INPP5A: variants seen among roughly 807,000 people sequenced by gnomAD.
INPP5A encodes 43 kDa inositol polyphosphate 5-phophatase.
INPP5A carries 14 observed loss-of-function variants against 65.2 expected under a neutral mutation model. That is an observed-to-expected ratio of 0.21 (90% CI 0.14 to 0.34). The LOEUF is 0.34. INPP5A is among the 10% of genes least tolerant of loss of function. INPP5A has a pLI of 1.00. For synonymous variants in INPP5A, 207 were observed against 208.3 expected, an observed-to-expected ratio of 0.99 and a Z score of 0.05; for missense variants, 431 against 545.6, an observed-to-expected ratio of 0.79 and a Z score of 2.09.
chr10:132,744,610 G>A (rs1846334890), intron 9 of INPP5A, among the ~76,000 whole-genome samples: 1 of 152,234 alleles, frequency 6.6e-6, no homozygotes, highest in Non-Finnish European at 1.5e-5. Context: ...GAACGCACTA[G>A]AATCTGCCCC....
intron 4 of INPP5A, among the ~76,000 whole-genome samples, chr10:132,686,396 A>G (rs1309912329): frequency 1.3e-5 from 2 of 152,244 alleles, no homozygotes; most frequent in Admixed American, 6.5e-5. Flanking sequence ...GCAAGAGGCG[A>G]GGAGTCATTA....
In INPP5A at chr10:132,650,603, C is replaced by T; in HGVS notation, c.306+98C>T. The T allele has an allele frequency of 2.3e-6, 2 of 853,674 alleles. No individual in the cohort carries two copies. The highest frequency in any genetic ancestry group is 2.8e-5 in the South Asian group (2 of 71,924). The allele number at this position is 853,674 out of a possible 1,614,324, so 52.9% of individuals were successfully genotyped here. A position where few individuals can be genotyped will look rare whatever the true frequency, so the allele number is the denominator to read the frequency against. On this transcript the variant is annotated intron_variant, in intron 4 of 15. Coordinates refer to ENST00000368594, the MANE Select transcript of INPP5A (RefSeq NM_005539.5). This position sits in a 1 kb window ranked among gnomAD's most constrained non-coding sequence, Gnocchi z 5.5. ...TAAATGGAGAGAGGTCGGGGTGCTC[C>T]CTGCCTGAAGCCTCACTCACGCTGC... is the stretch of plus-strand genomic sequence containing the variant.
chr10:132,688,345 C>T (rs1845176743), intron 4 of INPP5A, among the ~76,000 whole-genome samples: 1 of 152,216 alleles, frequency 6.6e-6, no homozygotes, highest in Admixed American at 6.5e-5. Context: ...CCCAGGACAG[C>T]CACCCCAGTG....
chr10:132,636,050 T>C (rs1206218425), intron 2 of INPP5A, among the ~76,000 whole-genome samples: 1 of 151,306 alleles, frequency 6.6e-6, no homozygotes, highest in Non-Finnish European at 1.5e-5. Context: ...TCATGTGCAA[T>C]GTTGAAATCT....
intron 8 of INPP5A, among the ~76,000 whole-genome samples, chr10:132,713,610 A>G (rs568387601): frequency 1.4e-3 from 217 of 152,188 alleles, no homozygotes; most frequent in African/African-American, 4.6e-3. Context: ...CTCCGTCTCC[A>G]GAGTGATGGA....
chr10:132,683,150 T>G (rs1228361870), intron 4 of INPP5A, among the ~76,000 whole-genome samples: 3 of 148,906 alleles, frequency 2.0e-5, no homozygotes, highest in Admixed American at 6.7e-5. Flanking sequence ...CAAGGCCATG[T>G]GTTGTATTAT....
chr10:132,623,533 T>TA (rs1359100354), intron 2 of INPP5A, among the ~76,000 whole-genome samples: 1 of 152,028 alleles, frequency 6.6e-6, no homozygotes, highest in Non-Finnish European at 1.5e-5. Context: ...TCTTAAAAAG[T>TA]ACAAAAGTTC....
chr10:132,615,444 C>T (rs1046815624), intron 2 of INPP5A, among the ~76,000 whole-genome samples: 2 of 152,344 alleles, frequency 1.3e-5, no homozygotes, highest in East Asian at 3.9e-4. Context: ...TTCTAAACCC[C>T]CAGGCATCTG....
At chr10:132,654,721 A>T (rs2072629318) in intron 4 of INPP5A, among the ~76,000 whole-genome samples, 1 of 152,252 alleles carries the variant, frequency 6.6e-6, no homozygotes, top group Admixed American at 6.5e-5. Flanking sequence ...TGAAAAAGGA[A>T]ATTGAAATGA....
chr10:132,763,836 AAC>A (rs987746117), intron 11 of INPP5A, among the ~76,000 whole-genome samples: 26 of 151,966 alleles, frequency 1.7e-4, no homozygotes, highest in African/African-American at 5.6e-4. Flanking sequence ...TCTGCATGCA[AAC>A]ACACACATGC....
intron 4 of INPP5A, among the ~76,000 whole-genome samples, chr10:132,672,919 A>G (rs2072911572): frequency 6.6e-6 from 1 of 152,000 alleles, no homozygotes; most frequent in African/African-American, 2.4e-5. Flanking sequence ...TTCCTGGTGG[A>G]ATGTCCCAAA....
At chr10:132,609,633 TTTGTTG>T (rs371644456) in intron 2 of INPP5A, among the ~76,000 whole-genome samples, 1 of 152,190 alleles carries the variant, frequency 6.6e-6, no homozygotes, top group South Asian at 2.1e-4. Context: ...GTCTGCTGCT[TTTGTTG>T]TTGTTGTTGT....
In INPP5A at chr10:132,608,023, G is replaced by C. The variant is rs2071882730; in HGVS notation, c.117+67G>C. On this transcript the variant is annotated intron_variant, in intron 2 of 15. Transcript: ENST00000368594. ...GCCAATAAGGTGCCTTTTTGCTTTG[G>C]CATTCCTCCATGGAGTCTGGTGTGT... 17 of 1,459,806 alleles carry C rather than the reference G, an allele frequency of 1.2e-5. 1 individual carries two copies. The South Asian group carries it at 1.6e-4, about 14-fold the overall frequency. 90.4% of individuals were successfully genotyped at this position (1,459,806 alleles called of 1,614,324 possible).
At position 132,624,498 on chromosome 10, in the gene INPP5A, A is replaced by G. The variant is rs914649753; in HGVS notation, c.117+16542A>G. ...TCCCACCGGCGTGTCTGCACTTCCC[A>G]CCGGCGTGTCTGCACTTCCACCGGC... On this transcript the variant is annotated intron_variant, in intron 2 of 15. Coordinates refer to ENST00000368594, the MANE Select transcript of INPP5A (RefSeq NM_005539.5). Among the ~76,000 whole-genome samples the G allele has an allele frequency of 2.4e-4, 34 of 140,344 alleles. No homozygotes were observed. In the East Asian group the frequency reaches 7.7e-3, roughly 32 times the overall value. The allele number at this position is 140,344 out of a possible 152,430, so 92.1% of individuals were successfully genotyped here.
At chr10:132,700,370 G>A (rs532515321) in intron 6 of INPP5A, among the ~76,000 whole-genome samples, 26 of 152,296 alleles carry the variant, frequency 1.7e-4, no homozygotes, top group Admixed American at 3.9e-4. Flanking sequence ...CCTCCCTGTG[G>A]GTCAGGGCCA....
chr10:132,708,605 A>G (rs1467373249), intron 7 of INPP5A: 4 of 631,954 alleles, frequency 6.3e-6, no homozygotes, highest in Non-Finnish European at 1.2e-5. Flanking sequence ...AGACACAGTG[A>G]CGGCCCCAGT....
chr10:132,759,825 C>T (rs186020865), intron 11 of INPP5A, among the ~76,000 whole-genome samples: 102 of 152,282 alleles, frequency 6.7e-4, no homozygotes, highest in African/African-American at 2.3e-3. Context: ...CAGAGCCCCC[C>T]GGCCCTGTTC....
intron 5 of INPP5A, among the ~76,000 whole-genome samples, chr10:132,690,930 G>C (rs1273258299): frequency 6.6e-6 from 1 of 152,180 alleles, no homozygotes; most frequent in Non-Finnish European, 1.5e-5. Flanking sequence ...GGGCAGGTGC[G>C]TGAGCTAGGC....
At chr10:132,664,333 G>A (rs1016668162) in intron 4 of INPP5A, among the ~76,000 whole-genome samples, 2 of 152,206 alleles carry the variant, frequency 1.3e-5, no homozygotes, top group Non-Finnish European at 2.9e-5. Context: ...TCCAAAGCCC[G>A]TCCAGGTTTG....
Sources: gnomAD v4.1 joint callset for allele counts (sites outside exome capture counted in the v4.1 genomes callset) on GRCh38, gnomAD v4.1.1 for gene constraint, Gnocchi (gnomAD v3.1) non-coding constraint, MANE v1.5 for transcripts, NCBI Gene and HGNC (gene_info 2026-07-23, HGNC 2026-07-21) for gene names.